The following SREK1IP1 variants were observed in gnomAD, a reference collection of about 807,000 sequenced individuals.
SREK1IP1 encodes the protein protein SREK1IP1.
A neutral mutation model predicts 22.8 loss-of-function variants in SREK1IP1; 12 were observed. The observed-to-expected ratio is 0.53, with a 90% CI of 0.34 to 0.85. The LOEUF is 0.85. SREK1IP1 is among the 40% of genes least tolerant of loss of function. The pLI is 0.02. For synonymous variants in SREK1IP1, 53 were observed against 52.7 expected (o/e 1.01, Z -0.02); for missense variants, 147 against 171.8 (o/e 0.86, Z 0.81).
Position 64,718,381 on chromosome 5 carries a change from G to C in SREK1IP1, c.*6003C>G. 5.9e-6 allele frequency: 1 copy of C among 169,736 alleles called. No individual in the cohort carries two copies. The highest frequency in any genetic ancestry group is 1.2e-5 in the Non-Finnish European group (1 of 80,542). The allele number at this position is 169,736 out of a possible 1,614,324, so 10.5% of individuals were successfully genotyped here. A position where few individuals can be genotyped will look rare whatever the true frequency, so the allele number is the denominator to read the frequency against. The stretch of plus-strand genomic sequence containing the variant: ...CTCAACTTTCTGATACTTACAGGCA[G>C]TTATTCTTATGAGATGGTACTGGAT... On this transcript the variant is annotated 3_prime_UTR_variant, in exon 5 of 5. Transcript: ENST00000513458.
chr5:64,768,180 C>CCA (rs1743090330), intron 1 of SREK1IP1, among the ~76,000 whole-genome samples: 1 of 152,086 alleles, frequency 6.6e-6, no homozygotes, highest in Admixed American at 6.6e-5. Context: ...TTAAGCCATA[C>CCA]CACAGTTAAG....
intron 3 of SREK1IP1, among the ~76,000 whole-genome samples, chr5:64,732,309 A>C (rs1290580071): frequency 6.6e-6 from 1 of 152,190 alleles, no homozygotes; most frequent in African/African-American, 2.4e-5. Flanking sequence ...CTATCAGCTC[A>C]GGTTCGTATT....
intron 1 of SREK1IP1, among the ~76,000 whole-genome samples, chr5:64,762,460 T>C (rs529730189): frequency 6.6e-6 from 1 of 152,168 alleles, no homozygotes; most frequent in Non-Finnish European, 1.5e-5. Flanking sequence ...ACTGCAGCCA[T>C]ATTTTATAAG....
chr5:64,762,383 T>C (rs1249503192), intron 1 of SREK1IP1, among the ~76,000 whole-genome samples: 3 of 152,168 alleles, frequency 2.0e-5, no homozygotes, highest in Non-Finnish European at 4.4e-5. Context: ...GTTACTCCAT[T>C]ATGGTTTTAG....
At chr5:64,762,073 C>T (rs575091570) in intron 1 of SREK1IP1, among the ~76,000 whole-genome samples, 1 of 152,342 alleles carries the variant, frequency 6.6e-6, no homozygotes, top group African/African-American at 2.4e-5. Context: ...TGAAATTTTA[C>T]ATCACCTATC....
chr5:64,744,230 T>C (rs1742596049), intron 2 of SREK1IP1, among the ~76,000 whole-genome samples: 1 of 151,996 alleles, frequency 6.6e-6, no homozygotes, highest in Admixed American at 6.6e-5. Flanking sequence ...AAGAGAACAA[T>C]GAAGGGAAAG....
At chr5:64,768,353 A>C in intron 1 of SREK1IP1, 152 bp downstream of exon 1, 1 of 971,886 alleles carries the variant, frequency 1.0e-6, no homozygotes, top group East Asian at 2.6e-5. Context: ...TTTGGAGTGT[A>C]AACTTTTTCA....
chr5:64,726,323 A>G (rs1388649457), intron 4 of SREK1IP1, among the ~76,000 whole-genome samples: 1 of 149,038 alleles, frequency 6.7e-6, no homozygotes, highest in Non-Finnish European at 1.5e-5. Flanking sequence ...CTGTTACTAT[A>G]AAAAATATTT....
intron 3 of SREK1IP1, among the ~76,000 whole-genome samples, chr5:64,736,310 C>T (rs558374977): frequency 1.1e-3 from 171 of 152,226 alleles, no homozygotes; most frequent in African/African-American, 4.0e-3. Context: ...TCCATGTCCT[C>T]ACAGATTTAC....
At chr5:64,737,340 T>A in intron 3 of SREK1IP1, among the ~76,000 whole-genome samples, 1 of 150,754 alleles carries the variant, frequency 6.6e-6, no homozygotes, top group African/African-American at 2.4e-5. Flanking sequence ...GACCAACCAT[T>A]GGGTCAAAGA....
intron 3 of SREK1IP1, among the ~76,000 whole-genome samples, chr5:64,740,033 C>T (rs1316979537): frequency 6.6e-6 from 1 of 152,018 alleles, no homozygotes; most frequent in Non-Finnish European, 1.5e-5. Context: ...GTGATATTTA[C>T]CATAGTGCAT....
intron 1 of SREK1IP1, among the ~76,000 whole-genome samples, chr5:64,760,161 G>A (rs1437798553): frequency 6.6e-6 from 1 of 152,052 alleles, no homozygotes; most frequent in Non-Finnish European, 1.5e-5. Flanking sequence ...TGTCATGATC[G>A]CTAAGATATA....
chr5:64,741,491 T>C (rs1046455767), intron 2 of SREK1IP1, among the ~76,000 whole-genome samples: 3 of 152,150 alleles, frequency 2.0e-5, no homozygotes, highest in African/African-American at 4.8e-5. Flanking sequence ...TCTATTTCCC[T>C]TTCTAAAAAT....
At chr5:64,768,399 CG>C in intron 1 of SREK1IP1, 105 bp downstream of exon 1, 2 of 1,448,474 alleles carry the variant, frequency 1.4e-6, no homozygotes, top group Non-Finnish European at 1.9e-6. Context: ...TTAAGGCCTC[CG>C]CCTAAATCCC....
chr5:64,756,337 C>G (rs1433370938), intron 1 of SREK1IP1, among the ~76,000 whole-genome samples: 3 of 152,096 alleles, frequency 2.0e-5, no homozygotes, highest in African/African-American at 7.2e-5. Flanking sequence ...CCCTCTAGCC[C>G]CTAGTAGTCT....
intron 2 of SREK1IP1, among the ~76,000 whole-genome samples, chr5:64,748,377 T>C (rs1742680076): frequency 6.6e-6 from 1 of 152,088 alleles, no homozygotes; most frequent in Non-Finnish European, 1.5e-5. Context: ...TTTGGGGCAA[T>C]GAAAAAGTTT....
rs1482233055 is a variant in SREK1IP1 at position 64,721,969 on chromosome 5, C to T, written c.*2415G>A. ...CTAAGTGACTTTGTTCAAGATCATA[C>T]AGGTAGTTAGAATGACCAGGACTGT... On this transcript the variant is annotated 3_prime_UTR_variant, in exon 5 of 5. Transcript: ENST00000513458. 1.3e-5 allele frequency: 2 copies of T among 152,080 alleles called. No homozygotes were observed. The highest frequency in any genetic ancestry group is 2.4e-5 in the African/African-American group (1 of 41,406). 9.4% of individuals were successfully genotyped at this position (152,080 alleles called of 1,614,324 possible).
At chr5:64,762,529 C>T (rs1423465320) in intron 1 of SREK1IP1, among the ~76,000 whole-genome samples, 1 of 151,938 alleles carries the variant, frequency 6.6e-6, no homozygotes, top group East Asian at 1.9e-4. Context: ...AAGTAAAATT[C>T]CAAGTATTTT....
At chr5:64,752,656 AAG>A (rs890808708) in intron 2 of SREK1IP1, among the ~76,000 whole-genome samples, 8 of 152,222 alleles carry the variant, frequency 5.3e-5, no homozygotes, top group African/African-American at 1.7e-4. Context: ...TTTGCAACAA[AAG>A]AGAGAGAATA....
Sources: gnomAD v4.1 joint callset for allele counts (sites outside exome capture counted in the v4.1 genomes callset) on GRCh38, gnomAD v4.1.1 for gene constraint, MANE v1.5 for transcripts, NCBI Gene and HGNC (gene_info 2026-07-23, HGNC 2026-07-21) for gene names.